F11R: variants seen among roughly 807,000 people sequenced by gnomAD.
F11R encodes the protein F11 receptor, also known as junctional adhesion molecule A.
In F11R, 27 loss-of-function variants were observed where a neutral mutation model predicts 39.3. The ratio of observed to expected loss-of-function variants is 0.69; its 90% confidence interval spans 0.51 to 0.95. The LOEUF (loss-of-function observed/expected upper bound fraction) is 0.95, where lower values mean the gene tolerates loss of function less well. Among genes scored for constraint, F11R ranks in the 40% least tolerant of loss-of-function variants. The probability of loss-of-function intolerance (pLI) is 0.00; values close to 1 mark genes in which losing one functional copy is unlikely to be tolerated. For missense variants in F11R, 335 were observed against 372.7 expected (o/e 0.90, Z 0.83); for synonymous variants, 131 against 144.9 (o/e 0.90, Z 0.69).
intron 1 of F11R, among the ~76,000 whole-genome samples, chr1:161,018,100 C>G (rs916879841): frequency 6.6e-6 from 1 of 152,166 alleles, no homozygotes; most frequent in East Asian, 1.9e-4. Context: ...ACAGCTGAAC[C>G]TTTTCTAAGG....
chr1:161,020,472 C>G lies in F11R; in HGVS notation c.64+538G>C, dbSNP rs137859981. 7.0e-3 allele frequency among the ~76,000 whole-genome samples: 1,063 copies of G among 152,336 alleles called. 12 individuals are homozygous for G. The highest frequency in any genetic ancestry group is 0.024 in the African/African-American group (1,012 of 41,572). On this transcript the variant is annotated intron_variant, in intron 1 of 9. Transcript: ENST00000368026. ...CACCCAGACATTTTCCCAGAGCAAC[C>G]GCCGCAATTCAAAGATTCAGAAGAG...
rs370646737 is a variant in F11R at position 160,999,900 on chromosome 1, A to T, written c.670T>A (p.Ser224Thr). ...ARNGYGTPMT[S>T]NAVRMEAVER... Reference sequence around the variant, plus strand: ...CCAGCTTCCATGCGCACAGCATTTGAAGTCATGGGTGTCCCATACCCATTC... The same window carrying T: ...CCAGCTTCCATGCGCACAGCATTTGTAGTCATGGGTGTCCCATACCCATTC... The change falls in exon 6 of 10, where the codon TCA becomes ACA. Residue 224 changes from serine (S) to threonine (T), a missense_variant. Transcript: ENST00000368026. 3.1e-6 allele frequency: 5 copies of T among 1,614,082 alleles called. No individual in the cohort carries two copies. The highest frequency in any genetic ancestry group is 1.3e-5 in the African/African-American group (1 of 74,934).
At chr1:161,018,755 A>C (rs1557896540) in intron 1 of F11R, among the ~76,000 whole-genome samples, 1 of 151,556 alleles carries the variant, frequency 6.6e-6, no homozygotes, top group African/African-American at 2.4e-5. Flanking sequence ...CCCCAACCCA[A>C]CCCCAGATCT....
Position 161,001,024 on chromosome 1 carries a change from G to T in F11R, c.237C>A (p.Ile79=), listed in dbSNP as rs758708124. The change falls in exon 3 of 10, where the codon ATC becomes ATA. Residue 79 remains isoleucine, a synonymous_variant. Transcript: ENST00000368026. ...TTRLVCYNNK[I]TASYEDRVTF... ...GAAGGAGGAGAAGCAACTCACCTGTGATCTTGTTATTATAGCAAACGAGTC... is the reference window on the plus strand; with the variant it reads ...GAAGGAGGAGAAGCAACTCACCTGTTATCTTGTTATTATAGCAAACGAGTC... 1 of 1,613,528 alleles carries T rather than the reference G, an allele frequency of 6.2e-7. No individual in the cohort carries two copies. Among genetic ancestry groups the T allele is most frequent in the East Asian group, 2.2e-5 (1 of 44,884 alleles).
Position 160,999,110 on chromosome 1 carries a change from A to G in F11R, c.816-19T>C. On this transcript the variant is annotated intron_variant, in intron 8 of 9. Coordinates refer to ENST00000368026, the MANE Select transcript of F11R (RefSeq NM_016946.6). ...CGAAGTCCTGTGAACAAGCCAGAAG[A>G]CAGAGACACTCAGCCACCTAGGTGC... is the stretch of plus-strand genomic sequence containing the variant. 6.2e-7 allele frequency: 1 copy of G among 1,614,180 alleles called. No individual in the cohort carries two copies. The highest frequency in any genetic ancestry group is 8.5e-7 in the Non-Finnish European group (1 of 1,180,022).
chr1:161,003,774 A>AT (rs1040024256), intron 1 of F11R, among the ~76,000 whole-genome samples: 5 of 150,824 alleles, frequency 3.3e-5, no homozygotes, highest in African/African-American at 1.2e-4. Context: ...TATTATTATT[A>AT]TTTTTTTAAG....
chr1:160,999,164 G>A, intron 8 of F11R, 73 bp from the exon 9 acceptor site: 1 of 1,598,830 alleles, frequency 6.3e-7, no homozygotes, highest in Non-Finnish European at 8.6e-7. Context: ...CAACTTTAAA[G>A]GCCAGAAGCG....
intron 1 of F11R, among the ~76,000 whole-genome samples, chr1:161,003,584 G>GT (rs996325036): frequency 2.0e-5 from 3 of 150,936 alleles, no homozygotes; most frequent in East Asian, 4.0e-4. Context: ...TTTTTCTTTT[G>GT]TTTTTTTGTT....
chr1:161,000,444 A>AG, intron 4 of F11R, 96 bp from the exon 5 acceptor site: 1 of 1,436,690 alleles, frequency 7.0e-7, no homozygotes, highest in East Asian at 2.3e-5. Context: ...ACTCAGCTCA[A>AG]GCCTCCTACT....
At chr1:161,013,232 C>G (rs1212182991) in intron 1 of F11R, among the ~76,000 whole-genome samples, 1 of 152,116 alleles carries the variant, frequency 6.6e-6, no homozygotes, top group Non-Finnish European at 1.5e-5. Context: ...CCAAACTTCC[C>G]TCTGGGCATA....
chr1:161,021,086 C>A lies in F11R; in HGVS notation c.-13G>T, dbSNP rs28365979. On this transcript the variant is annotated 5_prime_UTR_variant, in exon 1 of 10. Coordinates refer to ENST00000368026, the MANE Select transcript of F11R (RefSeq NM_016946.6). Reference sequence around the variant, plus strand: ...CCTTTGTCCCCATCGCGATCAGGCTCCCGACACAACAGCCGCCGAAGGACT... The same window carrying A: ...CCTTTGTCCCCATCGCGATCAGGCTACCGACACAACAGCCGCCGAAGGACT... The A allele has an allele frequency of 0.54, 864,281 of 1,604,164 alleles. 236,506 individuals carry two copies. Among genetic ancestry groups the A allele is most frequent in the African/African-American group, 0.71 (53,268 of 74,556 alleles).
intron 1 of F11R, among the ~76,000 whole-genome samples, chr1:161,017,126 C>T (rs1296006284): frequency 4.6e-5 from 7 of 152,068 alleles, no homozygotes; most frequent in Non-Finnish European, 8.8e-5. Flanking sequence ...GACAAAAACA[C>T]TGCGGAAGGC....
In F11R at chr1:161,003,483, A is replaced by G. The variant is rs952775174; in HGVS notation, c.65-2130T>C. Among the ~76,000 whole-genome samples, 22 of 151,830 alleles carry G rather than the reference A, an allele frequency of 1.4e-4. 1 individual carries two copies. The highest frequency in any genetic ancestry group is 2.5e-4 in the Non-Finnish European group (17 of 67,924). ...TCACCACGTTGGCCAGGCTGGTCTCAAACTCCTGACCTAAAGTGATCTGCC... is the reference window on the plus strand; with the variant it reads ...TCACCACGTTGGCCAGGCTGGTCTCGAACTCCTGACCTAAAGTGATCTGCC... On this transcript the variant is annotated intron_variant, in intron 1 of 9. Coordinates refer to ENST00000368026, the MANE Select transcript of F11R (RefSeq NM_016946.6).
At chr1:161,016,877 G>A (rs566156433) in intron 1 of F11R, among the ~76,000 whole-genome samples, 14 of 152,338 alleles carry the variant, frequency 9.2e-5, no homozygotes, top group South Asian at 2.1e-4. Context: ...CTGTGTCTGT[G>A]TAGAAAGAAG....
intron 1 of F11R, among the ~76,000 whole-genome samples, chr1:161,006,980 G>A (rs1419612702): frequency 2.0e-5 from 3 of 151,674 alleles, no homozygotes; most frequent in Non-Finnish European, 4.4e-5. Context: ...TCTGGCCAAC[G>A]TGGCAAAAAT....
rs1648127888 is a variant in F11R, at chr1:160,996,464, A to T, written c.*2407T>A. 1 of 152,286 alleles carries T rather than the reference A, an allele frequency of 6.6e-6. No homozygotes were observed. The highest frequency in any genetic ancestry group is 6.5e-5 in the Admixed American group (1 of 15,268). 9.4% of individuals were successfully genotyped at this position (152,286 alleles called of 1,614,324 possible). ...TCCAACCATGACACAGAACTGAAAC[A>T]TACTTTAAAAATCTCATCCTTGGCT... On this transcript the variant is annotated 3_prime_UTR_variant, in exon 10 of 10. Transcript: ENST00000368026.
chr1:161,010,743 CG>C (rs1167568192), intron 1 of F11R, among the ~76,000 whole-genome samples: 1 of 151,740 alleles, frequency 6.6e-6, no homozygotes, highest in Non-Finnish European at 1.5e-5. Context: ...CCCAGCACTT[CG>C]GGAGGCTGAG....
intron 1 of F11R, among the ~76,000 whole-genome samples, chr1:161,016,284 G>A (rs543664575): frequency 3.3e-5 from 5 of 152,234 alleles, no homozygotes; most frequent in South Asian, 4.1e-4. Context: ...AGACCATCCT[G>A]GCTAACACAG....
intron 1 of F11R, among the ~76,000 whole-genome samples, chr1:161,016,394 T>A (rs1419457241): frequency 6.6e-6 from 1 of 152,108 alleles, no homozygotes; most frequent in Non-Finnish European, 1.5e-5. Flanking sequence ...GAGAATGGCA[T>A]GAACCCGGGA....
Sources: gnomAD v4.1 joint callset for allele counts (sites outside exome capture counted in the v4.1 genomes callset) on GRCh38, gnomAD v4.1.1 for gene constraint, MANE v1.5 for transcripts, NCBI Gene and HGNC (gene_info 2026-07-23, HGNC 2026-07-21) for gene names.